The following GRIK4 variants were observed in gnomAD, a reference collection of about 807,000 sequenced individuals.
The protein encoded by GRIK4 is glutamate ionotropic receptor kainate type subunit 4.
In GRIK4, 40 loss-of-function variants were observed where a neutral mutation model predicts 104.9. The observed-to-expected ratio is 0.38, with a 90% CI of 0.30 to 0.50. The LOEUF is 0.50. Among genes scored for constraint, GRIK4 ranks in the 20% least tolerant of loss-of-function variants. GRIK4 has a pLI of 0.93. For missense variants in GRIK4, 1,047 were observed against 1,308.1 expected (o/e 0.80, Z 3.08); for synonymous variants, 485 against 524.9 (o/e 0.92, Z 1.04).
At chr11:120,590,154 C>G (rs557558863) in intron 1 of GRIK4, among the ~76,000 whole-genome samples, 2 of 152,282 alleles carry the variant, frequency 1.3e-5, no homozygotes, top group Non-Finnish European at 2.9e-5. Context: ...GTGTTTCAAC[C>G]AGAGCCTTCA....
At chr11:120,854,809 G>C (rs1307450153) in intron 8 of GRIK4, among the ~76,000 whole-genome samples, 1 of 152,004 alleles carries the variant, frequency 6.6e-6, no homozygotes, top group Non-Finnish European at 1.5e-5. Context: ...TTTAAAATGA[G>C]GAAACTTTTC....
chr11:120,904,921 C>A (rs1199728029), intron 12 of GRIK4, among the ~76,000 whole-genome samples: 1 of 152,176 alleles, frequency 6.6e-6, no homozygotes, highest in Non-Finnish European at 1.5e-5. Flanking sequence ...TTATTGCAGA[C>A]ATCCTTATAT....
At chr11:120,833,504 C>A (rs535310235) in intron 7 of GRIK4, among the ~76,000 whole-genome samples, 2 of 152,266 alleles carry the variant, frequency 1.3e-5, no homozygotes, top group African/African-American at 4.8e-5. Flanking sequence ...CTCCACCACC[C>A]TTGTGGAAGG....
chr11:120,946,786 C>A (rs1943870636), intron 14 of GRIK4, among the ~76,000 whole-genome samples: 1 of 152,170 alleles, frequency 6.6e-6, no homozygotes, highest in South Asian at 2.1e-4. Flanking sequence ...TTTTTGGTCT[C>A]CAAATCTCCA....
intron 1 of GRIK4, among the ~76,000 whole-genome samples, chr11:120,631,366 C>T (rs1337533206): frequency 6.6e-6 from 1 of 152,136 alleles, no homozygotes; most frequent in Non-Finnish European, 1.5e-5. Flanking sequence ...CTCATGAGCT[C>T]CCTGGGGATA....
chr11:120,866,989 AGTG>A (rs1954435969), intron 9 of GRIK4, among the ~76,000 whole-genome samples: 1 of 152,046 alleles, frequency 6.6e-6, no homozygotes, highest in South Asian at 2.1e-4. Context: ...CTTTTGGACA[AGTG>A]GGGAAACTGA....
intron 13 of GRIK4, among the ~76,000 whole-genome samples, chr11:120,937,686 A>G (rs1163803432): frequency 1.3e-5 from 2 of 152,156 alleles, no homozygotes; most frequent in Non-Finnish European, 2.9e-5. Flanking sequence ...GTAGACAGAA[A>G]TGCTCTGTCC....
At chr11:120,649,320 T>A (rs764442471) in intron 1 of GRIK4, among the ~76,000 whole-genome samples, 5 of 150,090 alleles carry the variant, frequency 3.3e-5, no homozygotes, top group Admixed American at 6.6e-5. Flanking sequence ...AAAAAAAAGA[T>A]AGGGCCTACT....
chr11:120,757,064 A>G (rs1239223058), intron 3 of GRIK4, among the ~76,000 whole-genome samples: 3 of 152,362 alleles, frequency 2.0e-5, no homozygotes, highest in East Asian at 3.9e-4. Flanking sequence ...CTGACACAGC[A>G]GCAGCATCGT....
intron 3 of GRIK4, among the ~76,000 whole-genome samples, chr11:120,789,745 G>A (rs957260502): frequency 1.3e-5 from 2 of 151,958 alleles, no homozygotes; most frequent in African/African-American, 2.4e-5. Context: ...GGCCCCTCCC[G>A]CTGACTGAGC....
At chr11:120,891,761 C>T (rs1955305148) in intron 11 of GRIK4, among the ~76,000 whole-genome samples, 1 of 152,092 alleles carries the variant, frequency 6.6e-6, no homozygotes, top group Admixed American at 6.5e-5. Flanking sequence ...AGGAAAAGAA[C>T]GTGGTTCTGG....
chr11:120,878,414 C>T lies in GRIK4; in HGVS notation c.1164+3171C>T, dbSNP rs550175833. Among the ~76,000 whole-genome samples, 76 of 152,228 alleles carry T rather than the reference C, an allele frequency of 5.0e-4. 1 individual carries two copies. The highest frequency in any genetic ancestry group is 1.4e-3 in the African/African-American group (57 of 41,534). Reference sequence around the variant, plus strand: ...AATACTGTCCTAGTAGAAGAGTGTTCGTGAACTGCAGCCTCTTCACAGAGA... The same window carrying T: ...AATACTGTCCTAGTAGAAGAGTGTTTGTGAACTGCAGCCTCTTCACAGAGA... On this transcript the variant is annotated intron_variant, in intron 11 of 20. Coordinates refer to ENST00000527524, the MANE Select transcript of GRIK4 (RefSeq NM_014619.5).
rs184721897 is a variant in GRIK4, at chr11:120,589,143, A to G, written c.-158-64542A>G. On this transcript the variant is annotated intron_variant, in intron 1 of 20. Transcript: ENST00000527524. ...CTCAACTGAGTGGTGACATGCACCAAGCAGGCCAAGCTGAAGGCAGTAGTG... is the reference window on the plus strand; with the variant it reads ...CTCAACTGAGTGGTGACATGCACCAGGCAGGCCAAGCTGAAGGCAGTAGTG... Among the ~76,000 whole-genome samples, 48 of 152,320 alleles carry G rather than the reference A, an allele frequency of 3.2e-4. No individual in the cohort carries two copies. In the East Asian group the frequency reaches 8.9e-3, roughly 28 times the overall value.
At chr11:120,719,041 A>G (rs750117894) in intron 3 of GRIK4, among the ~76,000 whole-genome samples, 2 of 152,132 alleles carry the variant, frequency 1.3e-5, no homozygotes, top group Non-Finnish European at 2.9e-5. Flanking sequence ...TTTTTTTTAG[A>G]TACACATTTA....
At chr11:120,757,885 C>G (rs1489912141) in intron 3 of GRIK4, among the ~76,000 whole-genome samples, 2 of 152,164 alleles carry the variant, frequency 1.3e-5, no homozygotes, top group African/African-American at 4.8e-5. Flanking sequence ...TTCAGCTTCT[C>G]CACTGGAGCA....
At chr11:120,546,766 T>C (rs1371846270) in intron 1 of GRIK4, among the ~76,000 whole-genome samples, 2 of 152,136 alleles carry the variant, frequency 1.3e-5, no homozygotes. Context: ...TCCGCCCACC[T>C]CCTGAAGTCC....
At chr11:120,653,011 A>G (rs1397604186) in intron 1 of GRIK4, among the ~76,000 whole-genome samples, 1 of 148,912 alleles carries the variant, frequency 6.7e-6, no homozygotes, top group Non-Finnish European at 1.5e-5. Flanking sequence ...TGGACATAAT[A>G]GCAGGTGTGG....
At chr11:120,860,387 T>C (rs1040786303) in intron 8 of GRIK4, among the ~76,000 whole-genome samples, 1 of 152,080 alleles carries the variant, frequency 6.6e-6, no homozygotes, top group African/African-American at 2.4e-5. Flanking sequence ...ACACTGCCCC[T>C]CTCTATAACA....
chr11:120,885,585 A>G (rs1955094625), intron 11 of GRIK4, among the ~76,000 whole-genome samples: 1 of 152,044 alleles, frequency 6.6e-6, no homozygotes, highest in Non-Finnish European at 1.5e-5. Flanking sequence ...GGGTTTTGCC[A>G]TGTTGGTCAG....
Sources: allele counts gnomAD v4.1 joint callset (sites outside exome capture counted in the v4.1 genomes callset), GRCh38; gene constraint gnomAD v4.1.1; transcripts MANE v1.5; gene names NCBI Gene and HGNC (gene_info 2026-07-23, HGNC 2026-07-21).